Variants in MGAT4C observed in about 807,000 individuals in gnomAD.
MGAT4C encodes the protein alpha-1,3-mannosyl-glycoprotein 4-beta-N-acetylglucosaminyltransferase C.
Under a neutral mutation model 40.1 loss-of-function variants are expected in MGAT4C, and 19 were observed. That is an observed-to-expected ratio of 0.47 (90% CI 0.33 to 0.70). The LOEUF is 0.70. MGAT4C is among the 30% of genes least tolerant of loss of function. MGAT4C has a pLI of 0.02. For missense variants in MGAT4C, 491 were observed against 563.2 expected, an observed-to-expected ratio of 0.87 and a Z score of 1.30; for synonymous variants, 181 against 187.1, an observed-to-expected ratio of 0.97 and a Z score of 0.27.
At chr12:86,495,976 G>C (rs1480755176) in intron 2 of MGAT4C, among the ~76,000 whole-genome samples, 1 of 151,574 alleles carries the variant, frequency 6.6e-6, no homozygotes, top group East Asian at 1.9e-4. Flanking sequence ...TTCCTGCCCC[G>C]CTATATAAAC....
chr12:86,360,803 A>G (rs1473914277), intron 3 of MGAT4C, among the ~76,000 whole-genome samples: 1 of 152,224 alleles, frequency 6.6e-6, no homozygotes, highest in African/African-American at 2.4e-5. Flanking sequence ...CTCTTCAAGG[A>G]GAACAACAAA....
intron 2 of MGAT4C, among the ~76,000 whole-genome samples, chr12:86,698,375 ATG>A (rs572230517): frequency 5.3e-4 from 79 of 150,468 alleles, no homozygotes; most frequent in African/African-American, 9.7e-4. Context: ...GTGTGTGTCT[ATG>A]TGTGTGTGTG....
At chr12:86,814,369 CGTAT>C (rs1236041348) in intron 1 of MGAT4C, among the ~76,000 whole-genome samples, 1 of 29,760 alleles carries the variant, frequency 3.4e-5, no homozygotes, top group Admixed American at 4.1e-4. Context: ...TATATATATA[CGTAT>C]ATATACATAT....
chr12:86,218,334 T>C (rs899119590), intron 1 of MGAT4C, among the ~76,000 whole-genome samples: 6 of 152,156 alleles, frequency 3.9e-5, no homozygotes, highest in South Asian at 2.1e-4. Context: ...GATGAACCCT[T>C]GATATTTTTG....
intron 2 of MGAT4C, among the ~76,000 whole-genome samples, chr12:86,452,390 C>T (rs1221568864): frequency 2.8e-5 from 4 of 142,978 alleles, no homozygotes; most frequent in Admixed American, 2.8e-4. Context: ...GTGTGATGTT[C>T]CCCTTTAACT....
At chr12:86,641,443 A>G (rs927881642) in intron 2 of MGAT4C, among the ~76,000 whole-genome samples, 2 of 151,800 alleles carry the variant, frequency 1.3e-5, no homozygotes, top group Non-Finnish European at 2.9e-5. Flanking sequence ...TGGGTGCAGC[A>G]CACCAGCATG....
chr12:86,542,166 G>A (rs1225875061), intron 2 of MGAT4C, among the ~76,000 whole-genome samples: 1 of 152,120 alleles, frequency 6.6e-6, no homozygotes, highest in Non-Finnish European at 1.5e-5. Context: ...GAAACGCTGG[G>A]GAAATAGGGC....
chr12:86,151,540 A>G (rs530821857), intron 1 of MGAT4C, among the ~76,000 whole-genome samples: 142 of 152,062 alleles, frequency 9.3e-4, no homozygotes, highest in African/African-American at 3.3e-3. Context: ...GTGAACCCGG[A>G]GGCGGAGCTT....
chr12:86,635,658 T>A (rs1963196213), intron 2 of MGAT4C, among the ~76,000 whole-genome samples: 1 of 97,610 alleles, frequency 1.0e-5, no homozygotes, highest in African/African-American at 5.2e-5. Context: ...CTATATACAT[T>A]GTGTGTGTGT....
intron 2 of MGAT4C, among the ~76,000 whole-genome samples, chr12:86,689,692 T>C (rs940215420): frequency 6.6e-6 from 1 of 152,148 alleles, no homozygotes; most frequent in African/African-American, 2.4e-5. Flanking sequence ...GAAAGCTTTG[T>C]CCCAGAGGGG....
chr12:86,596,216 TAAATAAATA>T (rs1961533246), intron 2 of MGAT4C, among the ~76,000 whole-genome samples: 1 of 151,934 alleles, frequency 6.6e-6, no homozygotes, highest in African/African-American at 2.4e-5. Context: ...AATAAATAAA[TAAATAAATA>T]AAACAAGTAC....
chr12:86,637,135 A>G (rs1165730250), intron 2 of MGAT4C, among the ~76,000 whole-genome samples: 2 of 151,916 alleles, frequency 1.3e-5, no homozygotes, highest in Non-Finnish European at 2.9e-5. Context: ...AATGAGTTCC[A>G]AAGTAGCATT....
chr12:86,676,547 C>T (rs920256083), intron 2 of MGAT4C, among the ~76,000 whole-genome samples: 2 of 152,198 alleles, frequency 1.3e-5, no homozygotes, highest in East Asian at 3.9e-4. Context: ...TAAGGAAATA[C>T]TGATGCTATA....
At chr12:86,346,021 A>G (rs1399950395) in intron 3 of MGAT4C, among the ~76,000 whole-genome samples, 1 of 152,192 alleles carries the variant, frequency 6.6e-6, no homozygotes, top group Non-Finnish European at 1.5e-5. Flanking sequence ...TTTTCTAAGA[A>G]TAATATTTCT....
At chr12:86,655,676 A>T (rs569470875) in intron 2 of MGAT4C, among the ~76,000 whole-genome samples, 1 of 152,158 alleles carries the variant, frequency 6.6e-6, no homozygotes, top group African/African-American at 2.4e-5. Context: ...AAAATATTAC[A>T]TAACCTGCTT....
intron 3 of MGAT4C, among the ~76,000 whole-genome samples, chr12:86,337,418 G>A (rs996937750): frequency 2.6e-5 from 4 of 151,694 alleles, no homozygotes; most frequent in Non-Finnish European, 5.9e-5. Flanking sequence ...GCAACATGGC[G>A]AAACCCTGCC....
At chr12:86,147,148 T>C (rs1246335048) in intron 1 of MGAT4C, among the ~76,000 whole-genome samples, 1 of 152,174 alleles carries the variant, frequency 6.6e-6, no homozygotes, top group East Asian at 1.9e-4. Flanking sequence ...GGCATGCATG[T>C]GTTGGACCCA....
chr12:86,490,790 C>T (rs940217834), intron 2 of MGAT4C, among the ~76,000 whole-genome samples: 1 of 152,098 alleles, frequency 6.6e-6, no homozygotes, highest in East Asian at 1.9e-4. Context: ...AGACTTTAAA[C>T]CAACAAAGAT....
At chr12:86,823,430 A>G (rs569582983) in intron 1 of MGAT4C, among the ~76,000 whole-genome samples, 3 of 151,240 alleles carry the variant, frequency 2.0e-5, no homozygotes, top group Non-Finnish European at 4.4e-5. Flanking sequence ...TTATCTGTTA[A>G]TTTTTACAGA....
Sources: allele counts gnomAD v4.1 joint callset (sites outside exome capture counted in the v4.1 genomes callset), GRCh38; gene constraint gnomAD v4.1.1; transcripts MANE v1.5; gene names NCBI Gene and HGNC (gene_info 2026-07-23, HGNC 2026-07-21).